C1orf21: variants seen among roughly 807,000 people sequenced by gnomAD.
C1orf21 encodes uncharacterized protein C1orf21.
A neutral mutation model predicts 18.7 loss-of-function variants in C1orf21; 3 were observed. The ratio of observed to expected loss-of-function variants is 0.16; its 90% CI spans 0.07 to 0.42. The LOEUF is 0.42. C1orf21 is among the 10% of genes least tolerant of loss of function. The pLI, the probability that C1orf21 is intolerant of heterozygous loss-of-function variation, is 0.99. For missense variants in C1orf21, 104 were observed against 143.6 expected (o/e 0.72, Z 1.41); for synonymous variants, 41 against 46.4 (o/e 0.88, Z 0.47).
chr1:184,562,928 C>T (rs1231969261), intron 3 of C1orf21, among the ~76,000 whole-genome samples: 1 of 152,170 alleles, frequency 6.6e-6, no homozygotes, highest in Non-Finnish European at 1.5e-5. Flanking sequence ...ATGTTTACAT[C>T]ACATTTTCTA....
chr1:184,523,729 G>A (rs550339578), intron 3 of C1orf21, among the ~76,000 whole-genome samples: 7 of 152,108 alleles, frequency 4.6e-5, no homozygotes, highest in East Asian at 1.9e-4. Context: ...GTCTAAAACC[G>A]TAATTTAAGG....
intron 3 of C1orf21, among the ~76,000 whole-genome samples, chr1:184,520,568 C>T (rs370891859): frequency 6.6e-6 from 1 of 152,284 alleles, no homozygotes; most frequent in South Asian, 2.1e-4. Context: ...TGATTCACAG[C>T]GATGCCTTAC....
rs1657905475 is a variant in C1orf21, at chr1:184,497,167, A to G, written c.95-10421A>G. Among the ~76,000 whole-genome samples the G allele has an allele frequency of 2.6e-5, 4 of 152,208 alleles. No individual in the cohort carries two copies. The South Asian group carries it at 8.3e-4, about 32-fold the overall frequency. On this transcript the variant is annotated intron_variant, in intron 2 of 5. Coordinates refer to ENST00000235307, the MANE Select transcript of C1orf21 (RefSeq NM_030806.4). ...ATCTTTTACAAACAAACTGAGCAGA[A>G]TGTGTTGCCAAAATAGGCTTGTTCA...
At chr1:184,422,423 A>T (rs776601939) in intron 1 of C1orf21, among the ~76,000 whole-genome samples, 39 of 152,230 alleles carry the variant, frequency 2.6e-4, no homozygotes, top group Non-Finnish European at 4.7e-4. Flanking sequence ...TCATTTAATC[A>T]TAACAACATC....
chr1:184,624,730 G>A lies in C1orf21; in HGVS notation c.*5174G>A, dbSNP rs1160195449. The A allele has an allele frequency of 2.0e-5, 3 of 152,138 alleles. No individual in the cohort carries two copies. Among genetic ancestry groups the A allele is most frequent in the Admixed American group, 2.0e-4 (3 of 15,280 alleles). The allele number at this position is 152,138 out of a possible 1,614,324, so 9.4% of individuals were successfully genotyped here. ...GCAAATCTCTTTCGAGACCTTACATGTTTTAGATAGTCATGTAATGACTTG... is the reference window on the plus strand; with the variant it reads ...GCAAATCTCTTTCGAGACCTTACATATTTTAGATAGTCATGTAATGACTTG... On this transcript the variant is annotated 3_prime_UTR_variant, in exon 6 of 6. Transcript: ENST00000235307.
At chr1:184,388,156 T>G (rs1655916598) in intron 1 of C1orf21, among the ~76,000 whole-genome samples, 1 of 152,150 alleles carries the variant, frequency 6.6e-6, no homozygotes, top group Admixed American at 6.5e-5. Context: ...TTGTTTTTGT[T>G]TTTTCCTTTC....
At chr1:184,550,775 G>A (rs1031172336) in intron 3 of C1orf21, among the ~76,000 whole-genome samples, 1 of 152,110 alleles carries the variant, frequency 6.6e-6, no homozygotes, top group Non-Finnish European at 1.5e-5. Context: ...GGGCTCAAGT[G>A]ATCCTTCAGC....
At chr1:184,474,173 CT>C (rs1244606536) in intron 1 of C1orf21, among the ~76,000 whole-genome samples, 1 of 152,142 alleles carries the variant, frequency 6.6e-6, no homozygotes, top group Non-Finnish European at 1.5e-5. Context: ...GAAAGCATCA[CT>C]CTTAAATTTG....
chr1:184,389,752 C>T (rs1042641074), intron 1 of C1orf21, among the ~76,000 whole-genome samples: 5 of 152,054 alleles, frequency 3.3e-5, no homozygotes, highest in Non-Finnish European at 5.9e-5. Flanking sequence ...TTCTATAAGA[C>T]GTTTTTTTGT....
intron 1 of C1orf21, among the ~76,000 whole-genome samples, chr1:184,439,054 T>C (rs929961234): frequency 6.6e-6 from 1 of 151,796 alleles, no homozygotes; most frequent in Non-Finnish European, 1.5e-5. Flanking sequence ...CTACTAAAAA[T>C]ATAAAAACTG....
At chr1:184,607,810 T>C (rs1659671343) in intron 5 of C1orf21, among the ~76,000 whole-genome samples, 1 of 151,548 alleles carries the variant, frequency 6.6e-6, no homozygotes, top group Non-Finnish European at 1.5e-5. Flanking sequence ...AATTATTAAG[T>C]GAAGAGAGGA....
intron 3 of C1orf21, among the ~76,000 whole-genome samples, chr1:184,528,049 A>G (rs1037536680): frequency 7.2e-5 from 11 of 152,236 alleles, no homozygotes; most frequent in Non-Finnish European, 1.6e-4. Flanking sequence ...AAGTGCCTAG[A>G]ACGGTGCCAG....
intron 1 of C1orf21, among the ~76,000 whole-genome samples, chr1:184,402,433 C>T (rs1656171834): frequency 1.3e-5 from 2 of 152,032 alleles, no homozygotes; most frequent in Non-Finnish European, 2.9e-5. Context: ...CCAGCCAGGG[C>T]AATATAATGA....
chr1:184,558,417 G>C (rs1457469496), intron 3 of C1orf21, among the ~76,000 whole-genome samples: 1 of 152,182 alleles, frequency 6.6e-6, no homozygotes, highest in Admixed American at 6.5e-5. Flanking sequence ...TTCTAGAGTA[G>C]TTGCTAGGAT....
rs1571285782 is a variant in C1orf21 at position 184,577,947 on chromosome 1, G to GTTTTGTT, written c.190-12788_190-12787insGTTTTTT. Among the ~76,000 whole-genome samples the GTTTTGTT allele has an allele frequency of 4.0e-4, 35 of 86,704 alleles. 2 individuals carry two copies. Among genetic ancestry groups the GTTTTGTT allele is most frequent in the African/African-American group, 8.3e-4 (15 of 18,102 alleles). 56.9% of individuals were successfully genotyped at this position (86,704 alleles called of 152,430 possible). ...TCTTTGTCCGTTTGTTTTTTGTTTT[G>GTTTTGTT]TTTTTGTTTTTTTTTTTTTTTTTTG... On this transcript the variant is annotated intron_variant, in intron 3 of 5. Coordinates refer to ENST00000235307, the MANE Select transcript of C1orf21 (RefSeq NM_030806.4).
intron 1 of C1orf21, among the ~76,000 whole-genome samples, chr1:184,430,719 C>T (rs746236557): frequency 1.3e-5 from 2 of 152,152 alleles, no homozygotes; most frequent in Non-Finnish European, 2.9e-5. Context: ...TTCTAATTAG[C>T]CTTGGAATAT....
At chr1:184,427,174 A>C (rs189566127) in intron 1 of C1orf21, among the ~76,000 whole-genome samples, 43 of 152,332 alleles carry the variant, frequency 2.8e-4, no homozygotes, top group Non-Finnish European at 5.1e-4. Context: ...GAACTCCGTC[A>C]AAACCAGGGT....
At chr1:184,563,961 G>A (rs1324709724) in intron 3 of C1orf21, among the ~76,000 whole-genome samples, 1 of 152,190 alleles carries the variant, frequency 6.6e-6, no homozygotes, top group Non-Finnish European at 1.5e-5. Flanking sequence ...ATCAAGAAAT[G>A]CTAATAGTAC....
chr1:184,602,130 TCACCCTCACCCTG>T (rs1659592940), intron 5 of C1orf21, among the ~76,000 whole-genome samples: 2 of 152,186 alleles, frequency 1.3e-5, no homozygotes, highest in Non-Finnish European at 2.9e-5. Context: ...ACCACCATCC[TCACCCTCACCCTG>T]CTATTGTCAC....
Sources: allele counts gnomAD v4.1 joint callset (sites outside exome capture counted in the v4.1 genomes callset), GRCh38; gene constraint gnomAD v4.1.1; transcripts MANE v1.5; gene names NCBI Gene and HGNC (gene_info 2026-07-23, HGNC 2026-07-21).